Variants in CACNB4 observed in about 807,000 individuals in gnomAD.
CACNB4 encodes the protein voltage-dependent L-type calcium channel subunit beta-4.
In CACNB4, 32 loss-of-function variants were observed where a neutral mutation model predicts 71.2. The ratio of observed to expected loss-of-function variants is 0.45; its 90% CI spans 0.34 to 0.60. The LOEUF is 0.60. Among genes scored for constraint, CACNB4 ranks in the 20% least tolerant of loss-of-function variants. The probability of loss-of-function intolerance (pLI) is 0.01; values close to 1 mark genes in which losing one functional copy is unlikely to be tolerated. For synonymous variants in CACNB4, 231 were observed against 236.9 expected (o/e 0.97, Z 0.23); for missense variants, 464 against 647.9 (o/e 0.72, Z 3.08).
At chr2:151,974,344 T>C (rs974479214) in intron 2 of CACNB4, among the ~76,000 whole-genome samples, 1 of 152,022 alleles carries the variant, frequency 6.6e-6, no homozygotes, top group African/African-American at 2.4e-5. Flanking sequence ...AAAAGGGCAA[T>C]GAGTCATAAA....
intron 2 of CACNB4, among the ~76,000 whole-genome samples, chr2:151,996,520 A>G (rs1579094522): frequency 2.0e-5 from 3 of 151,658 alleles, no homozygotes; most frequent in East Asian, 3.9e-4. Flanking sequence ...AGAAGCTCTT[A>G]GTCTTAATGC....
At chr2:152,084,816 G>T (rs1687564096) in intron 2 of CACNB4, among the ~76,000 whole-genome samples, 1 of 151,764 alleles carries the variant, frequency 6.6e-6, no homozygotes, top group Non-Finnish European at 1.5e-5. Context: ...GTAGAGACAG[G>T]ATCTTGATAT....
At chr2:151,893,591 A>ATT (rs1336370578) in intron 2 of CACNB4, among the ~76,000 whole-genome samples, 1 of 152,140 alleles carries the variant, frequency 6.6e-6, no homozygotes, top group Non-Finnish European at 1.5e-5. Context: ...TAAAGGCAAT[A>ATT]TTATATATAT....
At chr2:151,845,937 A>T (rs1559855124) in intron 12 of CACNB4, among the ~76,000 whole-genome samples, 2 of 152,238 alleles carry the variant, frequency 1.3e-5, no homozygotes, top group African/African-American at 2.4e-5. Context: ...AAAGCATTGT[A>T]AATAACGAAG....
chr2:152,096,885 T>C (rs1269963231), intron 2 of CACNB4, among the ~76,000 whole-genome samples: 1 of 152,232 alleles, frequency 6.6e-6, no homozygotes, highest in Non-Finnish European at 1.5e-5. Context: ...TGGAAAGAAC[T>C]GCTGTGTAAT....
chr2:152,027,009 C>A (rs1408167674), intron 2 of CACNB4, among the ~76,000 whole-genome samples: 1 of 152,134 alleles, frequency 6.6e-6, no homozygotes, highest in African/African-American at 2.4e-5. Flanking sequence ...TGGGTTCAAG[C>A]GATTCTTCTA....
chr2:152,098,468 C>G lies in CACNB4; in HGVS notation c.64-55G>C. On this transcript the variant is annotated intron_variant, in intron 1 of 13. Transcript: ENST00000539935. The surrounding 1 kb of genome is among the most constrained non-coding windows in gnomAD (Gnocchi z 5.3). ...AGCCGGTGAGGACCGCAGCGCAGAG[C>G]GGGGCGACCACCCCCGGCTGGAGTC... 6.6e-7 allele frequency: 1 copy of G among 1,514,000 alleles called. No individual in the cohort carries two copies. The allele number at this position is 1,514,000 out of a possible 1,614,324, so 93.8% of individuals were successfully genotyped here.
At chr2:152,029,507 A>AAAGAAAAG (rs1553815871) in intron 2 of CACNB4, among the ~76,000 whole-genome samples, 12 of 104,764 alleles carry the variant, frequency 1.1e-4, no homozygotes, top group Non-Finnish European at 1.8e-4. Flanking sequence ...AAAAAAAAAA[A>AAAGAAAAG]AAAAGAAAAG....
At position 151,972,975 on chromosome 2, in the gene CACNB4, G is replaced by A. The variant is rs534257227; in HGVS notation, c.148-89605C>T. ...TATATTTAAAAGCTAGCACTCTATGGTATGATTTCAGGGATTTCAGGAAAT... is the reference window on the plus strand; with the variant it reads ...TATATTTAAAAGCTAGCACTCTATGATATGATTTCAGGGATTTCAGGAAAT... On this transcript the variant is annotated intron_variant, in intron 2 of 13. Coordinates refer to ENST00000539935, the MANE Select transcript of CACNB4 (RefSeq NM_000726.5). 7 of 152,276 alleles carry A rather than the reference G, an allele frequency of 4.6e-5. No individual in the cohort carries two copies. The East Asian group carries it at 9.7e-4, about 21-fold the overall frequency. 9.4% of individuals were successfully genotyped at this position (152,276 alleles called of 1,614,324 possible).
intron 13 of CACNB4, 36 bp from the exon 14 acceptor site, chr2:151,839,415 T>C: frequency 2.0e-6 from 3 of 1,510,040 alleles, no homozygotes; most frequent in Non-Finnish European, 2.7e-6. Context: ...TTAAATAATG[T>C]CAGCTTCATT....
intron 2 of CACNB4, among the ~76,000 whole-genome samples, chr2:151,910,143 G>T (rs985105688): frequency 3.3e-5 from 5 of 151,900 alleles, no homozygotes; most frequent in East Asian, 1.9e-4. Flanking sequence ...GTGATGTTGT[G>T]TTTTTTTTCA....
intron 2 of CACNB4, among the ~76,000 whole-genome samples, chr2:151,977,601 G>A (rs1341301843): frequency 6.6e-6 from 1 of 152,190 alleles, no homozygotes; most frequent in Non-Finnish European, 1.5e-5. Context: ...GAGAGAAGAA[G>A]GAGAGAAAAG....
chr2:152,084,636 G>C (rs1687547207), intron 2 of CACNB4, among the ~76,000 whole-genome samples: 1 of 152,150 alleles, frequency 6.6e-6, no homozygotes, highest in Non-Finnish European at 1.5e-5. Context: ...TTGAGGCAGG[G>C]TCTCACTGTG....
intron 2 of CACNB4, among the ~76,000 whole-genome samples, chr2:151,935,705 C>A (rs955482418): frequency 1.3e-5 from 2 of 152,202 alleles, no homozygotes; most frequent in Non-Finnish European, 2.9e-5. Flanking sequence ...TTACATTCTA[C>A]TACAAATTAT....
chr2:151,848,332 C>T (rs2099838147), intron 12 of CACNB4, among the ~76,000 whole-genome samples: 1 of 152,114 alleles, frequency 6.6e-6, no homozygotes, highest in African/African-American at 2.4e-5. Context: ...AATTGATTAC[C>T]CCCCTTTTCA....
chr2:152,085,562 A>C (rs4664527), intron 2 of CACNB4, among the ~76,000 whole-genome samples: 84,176 of 151,618 alleles, frequency 0.56, 23,758 homozygotes, highest in East Asian at 0.85. Context: ...ACCTTCCCAT[A>C]CCCACCATGA....
At chr2:151,948,492 C>T (rs893830578) in intron 2 of CACNB4, among the ~76,000 whole-genome samples, 11 of 151,748 alleles carry the variant, frequency 7.2e-5, no homozygotes, top group African/African-American at 2.4e-4. Flanking sequence ...AGACTCCTGT[C>T]TCTATAAAAA....
intron 2 of CACNB4, chr2:151,967,673 G>T (rs1212619357): frequency 2.0e-5 from 3 of 148,014 alleles, no homozygotes; most frequent in African/African-American, 4.9e-5. Context: ...GAGAACTGTT[G>T]TTTTTTTTTT....
chr2:151,960,334 T>C (rs1289966439), intron 2 of CACNB4, among the ~76,000 whole-genome samples: 4 of 152,222 alleles, frequency 2.6e-5, no homozygotes, highest in African/African-American at 9.6e-5. Flanking sequence ...GACTCTCTCT[T>C]GTGGCCGCTG....
Sources: gnomAD v4.1 joint callset for allele counts (sites outside exome capture counted in the v4.1 genomes callset) on GRCh38, gnomAD v4.1.1 for gene constraint, Gnocchi (gnomAD v3.1) non-coding constraint, MANE v1.5 for transcripts, NCBI Gene and HGNC (gene_info 2026-07-23, HGNC 2026-07-21) for gene names.